KDM2A: variants seen among roughly 807,000 people sequenced by gnomAD.
The protein encoded by KDM2A is lysine-specific demethylase 2A.
Under a neutral mutation model 137.3 loss-of-function variants are expected in KDM2A, and 3 were observed. That is an observed-to-expected ratio of 0.02 (90% CI 0.01 to 0.06). The LOEUF (loss-of-function observed/expected upper bound fraction) is 0.06, where lower values mean the gene tolerates loss of function less well. Ranked by LOEUF, KDM2A falls within the 10% of genes least tolerant of loss-of-function variation. The pLI is 1.00. For missense variants in KDM2A, 738 were observed against 1,510.6 expected (o/e 0.49, Z 8.48); for synonymous variants, 512 against 541.5 (o/e 0.95, Z 0.76).
chr11:67,217,417 A>C (rs551838490), intron 8 of KDM2A: 8 of 334,580 alleles, frequency 2.4e-5, no homozygotes, highest in Non-Finnish European at 4.5e-5. Context: ...ACTACTTAGG[A>C]CTCTGGAAGC....
At position 67,205,360 on chromosome 11, in the gene KDM2A, T is replaced by C. The variant is rs567313033; in HGVS notation, c.308-2150T>C. On this transcript the variant is annotated intron_variant, in intron 5 of 20. Transcript: ENST00000529006. ...CTATTTCACAGTGGCCATATTCTTC[T>C]CTTGGGTATTATCTCCTATCTTTAA... Among the ~76,000 whole-genome samples the C allele has an allele frequency of 3.3e-5, 5 of 152,336 alleles. No homozygotes were observed. The South Asian group carries it at 1.0e-3, about 32-fold the overall frequency.
In KDM2A at chr11:67,231,596, A is replaced by G. The variant is rs760509687; in HGVS notation, c.1115A>G (p.Asn372Ser). 9.3e-6 allele frequency: 15 copies of G among 1,609,408 alleles called. No homozygotes were observed. The highest frequency in any genetic ancestry group is 2.2e-5 in the South Asian group (2 of 90,218). ...DLELNGLESG[N>S]GDEEAVDREP... is the part of the protein sequence containing the mutation. Reference sequence around the variant, plus strand: ...GAGTTAAATGGGTTGGAGTCTGGGAATGGGGATGAGGAAGCAGTGGATCGA... The same window carrying G: ...GAGTTAAATGGGTTGGAGTCTGGGAGTGGGGATGAGGAAGCAGTGGATCGA... The change falls in exon 12 of 21, where the codon AAT (asparagine) becomes AGT (serine). Residue 372 changes from asparagine to serine, a missense_variant. Asn to Ser is a conservative substitution (Grantham distance 46, BLOSUM62 1). Around this residue, in one of 9 missense-constraint regions of KDM2A, gnomAD observed 113 missense variants for 133.5 expected, o/e 0.85. Transcript: ENST00000529006.
intron 2 of KDM2A, among the ~76,000 whole-genome samples, chr11:67,155,097 C>T (rs1856483952): frequency 6.6e-6 from 1 of 152,182 alleles, no homozygotes; most frequent in South Asian, 2.1e-4. Flanking sequence ...TCACTGCAAC[C>T]TCTGCCTCCC....
intron 2 of KDM2A, among the ~76,000 whole-genome samples, chr11:67,163,839 A>C (rs1555083899): frequency 6.6e-6 from 1 of 151,358 alleles, no homozygotes; most frequent in Non-Finnish European, 1.5e-5. Flanking sequence ...CTGGTGACAG[A>C]GCGACACTCC....
intron 2 of KDM2A, among the ~76,000 whole-genome samples, chr11:67,176,261 A>G (rs1461248017): frequency 6.6e-6 from 1 of 151,904 alleles, no homozygotes; most frequent in African/African-American, 2.4e-5. Flanking sequence ...ATTTTTTATG[A>G]CTTATTTCTG....
chr11:67,137,973 A>G (rs1247269236), intron 2 of KDM2A, among the ~76,000 whole-genome samples: 5 of 151,880 alleles, frequency 3.3e-5, no homozygotes, highest in Non-Finnish European at 5.9e-5. Context: ...AATTTTTTGT[A>G]TTTTAGTAGA....
intron 1 of KDM2A, 73 bp from the exon 2 acceptor site, chr11:67,121,161 T>TA: frequency 1.5e-6 from 1 of 645,838 alleles, no homozygotes; most frequent in Admixed American, 2.9e-5. Context: ...TTACCTTAAA[T>TA]ACTCCTTTCC....
At chr11:67,150,741 A>C (rs921578838) in intron 2 of KDM2A, among the ~76,000 whole-genome samples, 1 of 152,048 alleles carries the variant, frequency 6.6e-6, no homozygotes, top group Non-Finnish European at 1.5e-5. Flanking sequence ...GACAAGGTGA[A>C]AGATCACTTG....
chr11:67,231,909 A>C lies in KDM2A; in HGVS notation c.1428A>C (p.Lys476Asn). The C allele has an allele frequency of 6.2e-7, 1 of 1,614,034 alleles. No homozygotes were observed. The highest frequency in any genetic ancestry group is 8.5e-7 in the Non-Finnish European group (1 of 1,179,898). Reference protein sequence around the residue: ...DKLESLPLHKKCVPTGIEDED... With the variant: ...DKLESLPLHKNCVPTGIEDED... ...TGGAGTCTCTGCCACTGCACAAGAAATGTGTCCCCACAGGGATAGAAGATG... is the reference window on the plus strand; with the variant it reads ...TGGAGTCTCTGCCACTGCACAAGAACTGTGTCCCCACAGGGATAGAAGATG... The change falls in exon 12 of 21, where the codon AAA becomes AAC. Residue 476 changes from lysine to asparagine, a missense_variant. Lys to Asn is a moderately conservative substitution (Grantham distance 94). Coordinates refer to ENST00000529006, the MANE Select transcript of KDM2A (RefSeq NM_012308.3).
At chr11:67,125,241 C>T (rs2136277916) in intron 2 of KDM2A, among the ~76,000 whole-genome samples, 1 of 150,646 alleles carries the variant, frequency 6.6e-6, no homozygotes, top group African/African-American at 2.4e-5. Context: ...AGTGCAGTGG[C>T]ATGATCATAG....
intron 6 of KDM2A, among the ~76,000 whole-genome samples, chr11:67,208,909 A>C (rs1045321979): frequency 5.9e-5 from 9 of 152,142 alleles, no homozygotes; most frequent in South Asian, 4.2e-4. Context: ...CGAGACCCCC[A>C]AAAATAAAAA....
At chr11:67,198,488 C>T (rs1444003934) in intron 5 of KDM2A, among the ~76,000 whole-genome samples, 3 of 151,744 alleles carry the variant, frequency 2.0e-5, no homozygotes, top group Non-Finnish European at 2.9e-5. Context: ...TTTGGGAGGC[C>T]GAGGCGGGCG....
At chr11:67,156,292 A>C (rs1183410300) in intron 2 of KDM2A, among the ~76,000 whole-genome samples, 8 of 151,388 alleles carry the variant, frequency 5.3e-5, no homozygotes, top group Admixed American at 1.3e-4. Flanking sequence ...TTTATAACAT[A>C]TGAAAGTATT....
chr11:67,121,401 A>G lies in KDM2A; in HGVS notation c.42+43A>G, dbSNP rs533089864. ...CCACCACACCCTCCAGTTTTAAAGT[A>G]GGATAACTATTTTGTTTCCAGTTGT... On this transcript the variant is annotated intron_variant, in intron 2 of 20. Transcript: ENST00000529006. The G allele has an allele frequency of 8.4e-5, 133 of 1,578,600 alleles. No individual in the cohort carries two copies. The South Asian group carries it at 1.3e-3, about 16-fold the overall frequency.
At chr11:67,131,459 T>G (rs1474183014) in intron 2 of KDM2A, among the ~76,000 whole-genome samples, 1 of 150,676 alleles carries the variant, frequency 6.6e-6, no homozygotes, top group African/African-American at 2.4e-5. Context: ...TCGCCCAGGT[T>G]GGAGTGTAGT....
intron 2 of KDM2A, among the ~76,000 whole-genome samples, chr11:67,126,080 T>G (rs1289422375): frequency 1.4e-5 from 2 of 146,182 alleles, no homozygotes; most frequent in Non-Finnish European, 3.0e-5. Flanking sequence ...AACCCCGTCT[T>G]TACTGAAAAT....
intron 8 of KDM2A, 176 bp from the exon 9 acceptor site, chr11:67,217,555 A>G (rs931200093): frequency 1.6e-6 from 1 of 618,086 alleles, no homozygotes; most frequent in African/African-American, 1.8e-5. Context: ...AAGGATAAGA[A>G]AGATCTACTG....
chr11:67,126,539 C>T (rs978007048), intron 2 of KDM2A, among the ~76,000 whole-genome samples: 1 of 151,672 alleles, frequency 6.6e-6, no homozygotes, highest in African/African-American at 2.4e-5. Flanking sequence ...GGAACCCTGT[C>T]TCTACTAAAA....
At chr11:67,236,433 A>G (rs1398694923) in intron 12 of KDM2A, among the ~76,000 whole-genome samples, 1 of 152,170 alleles carries the variant, frequency 6.6e-6, no homozygotes, top group Non-Finnish European at 1.5e-5. Flanking sequence ...CCCAGCCACA[A>G]TTTGAGTTTT....
Sources: allele counts gnomAD v4.1 joint callset (sites outside exome capture counted in the v4.1 genomes callset), GRCh38; gene constraint gnomAD v4.1.1; regional missense constraint gnomAD v4.1.1; transcripts MANE v1.5; gene names NCBI Gene and HGNC (gene_info 2026-07-23, HGNC 2026-07-21).